Variants in COL24A1 observed in about 807,000 individuals in gnomAD.
COL24A1 encodes collagen type XXIV alpha 1 chain.
COL24A1 carries 224 observed loss-of-function variants against 253.9 expected under a neutral mutation model. The observed-to-expected ratio is 0.88, with a 90% CI of 0.79 to 0.99. The LOEUF (loss-of-function observed/expected upper bound fraction) is 0.99. COL24A1 is among the 50% of genes least tolerant of loss of function. The pLI is 0.00. For synonymous variants in COL24A1, 685 were observed against 673.7 expected, an observed-to-expected ratio of 1.02 and a Z score of -0.26; for missense variants, 2,131 against 2,068.5, an observed-to-expected ratio of 1.03 and a Z score of -0.59.
chr1:86,110,744 G>A (rs1410402788), intron 5 of COL24A1, among the ~76,000 whole-genome samples: 1 of 152,110 alleles, frequency 6.6e-6, no homozygotes, highest in Non-Finnish European at 1.5e-5. Context: ...CCCGTGCTGC[G>A]CTCGAATTCT....
At chr1:85,838,837 A>G (rs1378347478) in intron 42 of COL24A1, among the ~76,000 whole-genome samples, 199 bp from the exon 43 acceptor site, 3 of 152,240 alleles carry the variant, frequency 2.0e-5, no homozygotes, top group Non-Finnish European at 4.4e-5. Context: ...CCAACCAGTG[A>G]ATTATATAAA....
In COL24A1 at chr1:85,833,418, A is replaced by G. The variant is rs574821397; in HGVS notation, c.3681+5167T>C. ...ATGCAAATCAAAACCACAATGAGAT[A>G]CCATCTCACACCAGTTAGAATGGTG... On this transcript the variant is annotated intron_variant, in intron 43 of 59. Transcript: ENST00000370571. 2.0e-5 allele frequency among the ~76,000 whole-genome samples: 3 copies of G among 152,334 alleles called. No individual in the cohort carries two copies. In the South Asian group the frequency reaches 6.2e-4, roughly 32 times the overall value.
chr1:86,110,242 G>T (rs1276352803), intron 5 of COL24A1, among the ~76,000 whole-genome samples: 2 of 151,676 alleles, frequency 1.3e-5, no homozygotes. Flanking sequence ...TAGTGGGAAA[G>T]TATGGGAATG....
At chr1:86,087,956 G>T (rs1390676388) in intron 7 of COL24A1, among the ~76,000 whole-genome samples, 1 of 152,150 alleles carries the variant, frequency 6.6e-6, no homozygotes, top group Non-Finnish European at 1.5e-5. Flanking sequence ...ATACTCTCAT[G>T]AGTACCTTTT....
At chr1:86,037,326 T>C (rs1388271846) in intron 12 of COL24A1, among the ~76,000 whole-genome samples, 6 of 152,100 alleles carry the variant, frequency 3.9e-5, no homozygotes, top group African/African-American at 1.4e-4. Context: ...GCAAAGGTGA[T>C]GAGATATCAC....
At position 85,833,670 on chromosome 1, in the gene COL24A1, T is replaced by C. The variant is rs538272367; in HGVS notation, c.3681+4915A>G. On this transcript the variant is annotated intron_variant, in intron 43 of 59. Transcript: ENST00000370571. ...TGCTATAAAGACACATGCACACGTA[T>C]GTTTATTGTGGCACTATTCACAATA... Among the ~76,000 whole-genome samples, 83 of 152,250 alleles carry C rather than the reference T, an allele frequency of 5.5e-4. 3 individuals are homozygous for C. The South Asian group carries it at 0.017, about 31-fold the overall frequency.
At chr1:85,805,537 G>A (rs1365007604) in intron 47 of COL24A1, among the ~76,000 whole-genome samples, 1 of 152,088 alleles carries the variant, frequency 6.6e-6, no homozygotes, top group East Asian at 1.9e-4. Context: ...TGGCAATATT[G>A]CAGATTTATA....
intron 19 of COL24A1, 76 bp downstream of exon 19, chr1:86,017,075 T>C: frequency 7.5e-7 from 1 of 1,325,434 alleles, no homozygotes; most frequent in African/African-American, 1.5e-5. Context: ...CTTGCTATGT[T>C]GAAACATGTT....
chr1:85,889,197 G>A lies in COL24A1; in HGVS notation c.2976+363C>T, dbSNP rs1329609904. Reference sequence around the variant, plus strand: ...GTAAAATTTGGCTTCTCTCTGTATGGTCTTCTAATTATAGAAATTGCCTCA... The same window carrying A: ...GTAAAATTTGGCTTCTCTCTGTATGATCTTCTAATTATAGAAATTGCCTCA... On this transcript the variant is annotated intron_variant, in intron 32 of 59. Coordinates refer to ENST00000370571, the MANE Select transcript of COL24A1 (RefSeq NM_152890.7). 2.6e-5 allele frequency among the ~76,000 whole-genome samples: 4 copies of A among 152,026 alleles called. No individual in the cohort carries two copies. In the East Asian group the frequency reaches 7.7e-4, roughly 29 times the overall value.
intron 24 of COL24A1, among the ~76,000 whole-genome samples, chr1:85,914,801 A>G (rs1234565709): frequency 2.6e-5 from 4 of 152,174 alleles, no homozygotes. Context: ...GAGAAGAGTA[A>G]ACATCACTCA....
intron 33 of COL24A1, among the ~76,000 whole-genome samples, chr1:85,876,796 G>A (rs1054353958): frequency 3.3e-5 from 5 of 152,106 alleles, no homozygotes; most frequent in Non-Finnish European, 7.4e-5. Context: ...TCCCAAATTG[G>A]GTAATGTCTC....
At chr1:85,950,340 G>A (rs12564528) in intron 24 of COL24A1, among the ~76,000 whole-genome samples, 9,332 of 152,140 alleles carry the variant, frequency 0.061, 599 homozygotes, top group Admixed American at 0.2. Context: ...AACATATTAC[G>A]GATGTAGAAT....
intron 47 of COL24A1, among the ~76,000 whole-genome samples, chr1:85,787,586 C>T (rs986942593): frequency 3.3e-4 from 50 of 152,128 alleles, no homozygotes; most frequent in African/African-American, 1.2e-3. Flanking sequence ...TGTATATGTA[C>T]CACATTTTCT....
chr1:86,049,067 G>A (rs597669), intron 11 of COL24A1, among the ~76,000 whole-genome samples: 140,815 of 152,262 alleles, frequency 0.92, 65,268 homozygotes, highest in East Asian at 1. Context: ...CTGCGTGATC[G>A]GTGAGATACA....
At position 86,139,905 on chromosome 1, in the gene COL24A1, T is replaced by C. The variant is rs1359894175; in HGVS notation, c.121+6214A>G. Among the ~76,000 whole-genome samples, 3 of 152,218 alleles carry C rather than the reference T, an allele frequency of 2.0e-5. No individual in the cohort carries two copies. The East Asian group carries it at 5.8e-4, about 29-fold the overall frequency. Reference sequence around the variant, plus strand: ...CCAATATTCATTTTGTATTATTTTTTATAGTCTCAGCTAAATAGTCAATAT... The same window carrying C: ...CCAATATTCATTTTGTATTATTTTTCATAGTCTCAGCTAAATAGTCAATAT... On this transcript the variant is annotated intron_variant, in intron 2 of 59. Coordinates refer to ENST00000370571, the MANE Select transcript of COL24A1 (RefSeq NM_152890.7).
chr1:86,046,758 T>A (rs1007987629), intron 12 of COL24A1, 67 bp downstream of exon 12: 1 of 1,557,756 alleles, frequency 6.4e-7, no homozygotes, highest in Non-Finnish European at 8.7e-7. Context: ...CACATTTTAA[T>A]AAGTAAGAAC....
chr1:85,946,673 T>C (rs901481936), intron 24 of COL24A1, among the ~76,000 whole-genome samples: 5 of 152,204 alleles, frequency 3.3e-5, no homozygotes, highest in Non-Finnish European at 7.3e-5. Context: ...TTACCCTAAG[T>C]GGAAGTAGAA....
chr1:86,019,638 A>G (rs1451003798), intron 18 of COL24A1, among the ~76,000 whole-genome samples: 1 of 152,146 alleles, frequency 6.6e-6, no homozygotes, highest in Non-Finnish European at 1.5e-5. Context: ...AGGCTATCTC[A>G]CTAATTTTAA....
intron 12 of COL24A1, among the ~76,000 whole-genome samples, chr1:86,039,025 A>T (rs554044983): frequency 3.3e-4 from 50 of 152,190 alleles, no homozygotes; most frequent in Non-Finnish European, 7.1e-4. Context: ...GTTTCATAGC[A>T]ATAGATAGCT....
Sources: allele counts gnomAD v4.1 joint callset (sites outside exome capture counted in the v4.1 genomes callset), GRCh38; gene constraint gnomAD v4.1.1; transcripts MANE v1.5; gene names NCBI Gene and HGNC (gene_info 2026-07-23, HGNC 2026-07-21).